The following PDE4D variants were observed in gnomAD, a reference collection of about 807,000 sequenced individuals.
PDE4D encodes 3',5'-cyclic-AMP phosphodiesterase 4D.
A neutral mutation model predicts 87.4 loss-of-function variants in PDE4D; 24 were observed. That is an observed-to-expected ratio of 0.27 (90% CI 0.20 to 0.39). The LOEUF is 0.39. Ranked by LOEUF, PDE4D falls within the 10% of genes least tolerant of loss-of-function variation. The pLI is 1.00. For synonymous variants in PDE4D, 384 were observed against 383.2 expected (o/e 1.00, Z -0.02); for missense variants, 714 against 1,041.0 (o/e 0.69, Z 4.32).
chr5:58,989,813 A>G lies in PDE4D; in HGVS notation c.1394T>C (p.Ile465Thr), dbSNP rs1207918895. The change falls in exon 10 of 15, where the codon ATC becomes ACC. Residue 465 changes from isoleucine to threonine, a missense_variant. By Grantham distance (89) the Ile-to-Thr change is moderately conservative. Transcript: ENST00000340635. ...YHADVAYHNN[I>T]HAADVVQSTH... ...AGACTGGACAACATCTGCAGCATGG[A>G]TATTGTTGTGATAGGCCACATCAGC... is the stretch of plus-strand genomic sequence containing the variant. The G allele has an allele frequency of 6.2e-7, 1 of 1,611,536 alleles. No homozygotes were observed. The highest frequency in any genetic ancestry group is 1.7e-5 in the Admixed American group (1 of 59,952).
chr5:60,375,712 C>T (rs1163197874), intron 1 of PDE4D, among the ~76,000 whole-genome samples: 1 of 152,166 alleles, frequency 6.6e-6, no homozygotes, highest in Non-Finnish European at 1.5e-5. Context: ...GCACAGGCTA[C>T]ACAAAATACA....
intron 1 of PDE4D, among the ~76,000 whole-genome samples, chr5:59,303,730 T>C (rs372065976): frequency 1.1e-4 from 17 of 152,330 alleles, no homozygotes; most frequent in South Asian, 8.3e-4. Context: ...GGGTTCTCTA[T>C]TCTGTTCCAT....
At chr5:59,564,762 C>A (rs1820600375) in intron 1 of PDE4D, among the ~76,000 whole-genome samples, 1 of 152,088 alleles carries the variant, frequency 6.6e-6, no homozygotes, top group Non-Finnish European at 1.5e-5. Flanking sequence ...AGGAAACTCC[C>A]ATTTGTGTGA....
At chr5:59,777,469 G>T (rs1334783855) in intron 1 of PDE4D, among the ~76,000 whole-genome samples, 1 of 152,186 alleles carries the variant, frequency 6.6e-6, no homozygotes, top group Non-Finnish European at 1.5e-5. Context: ...CTGAAGGCCA[G>T]ACAGGTGCTC....
chr5:59,471,393 CA>C (rs1249800678), intron 1 of PDE4D, among the ~76,000 whole-genome samples: 2 of 152,258 alleles, frequency 1.3e-5, no homozygotes, highest in African/African-American at 4.8e-5. Flanking sequence ...AAGATTAAAT[CA>C]AAAAAGCTAA....
chr5:60,358,265 A>G (rs1335804928), intron 1 of PDE4D, among the ~76,000 whole-genome samples: 1 of 152,158 alleles, frequency 6.6e-6, no homozygotes, highest in African/African-American at 2.4e-5. Flanking sequence ...TTATATAGAG[A>G]TAGATGCTCA....
chr5:59,647,066 A>G (rs1181071702), intron 1 of PDE4D, among the ~76,000 whole-genome samples: 1 of 152,148 alleles, frequency 6.6e-6, no homozygotes, highest in Non-Finnish European at 1.5e-5. Context: ...TGTAGACAAC[A>G]TATTTAACAA....
intron 1 of PDE4D, among the ~76,000 whole-genome samples, chr5:60,390,979 A>G (rs1011723283): frequency 3.3e-5 from 5 of 152,210 alleles, no homozygotes; most frequent in African/African-American, 7.2e-5. Flanking sequence ...ATGCACACAT[A>G]TACACATGCA....
intron 1 of PDE4D, among the ~76,000 whole-genome samples, chr5:59,836,656 A>ATATATCTATCTATCTT (rs1554095544): frequency 1.1e-4 from 17 of 149,160 alleles, no homozygotes; most frequent in African/African-American, 4.0e-4. Flanking sequence ...CTATCTATCT[A>ATATATCTATCTATCTT]TCATCTATCT....
intron 1 of PDE4D, among the ~76,000 whole-genome samples, chr5:59,463,927 G>A (rs1406817522): frequency 2.0e-5 from 3 of 152,226 alleles, no homozygotes; most frequent in African/African-American, 4.8e-5. Context: ...CCCCAACCCC[G>A]TGCTCTCTGA....
At chr5:59,182,448 A>C (rs762218176) in intron 4 of PDE4D, among the ~76,000 whole-genome samples, 1 of 150,860 alleles carries the variant, frequency 6.6e-6, no homozygotes, top group Non-Finnish European at 1.5e-5. Context: ...TTTTTTTTAG[A>C]GATGGGGTCT....
At chr5:60,321,265 T>C (rs895416204) in intron 1 of PDE4D, among the ~76,000 whole-genome samples, 1 of 152,196 alleles carries the variant, frequency 6.6e-6, no homozygotes, top group African/African-American at 2.4e-5. Context: ...TCATCTGATC[T>C]TTGACAAAGT....
At chr5:59,726,177 CAAATGAGTTTCAGGCATATTTAA>C (rs1756566700) in intron 1 of PDE4D, among the ~76,000 whole-genome samples, 1 of 152,050 alleles carries the variant, frequency 6.6e-6, no homozygotes, top group African/African-American at 2.4e-5. Context: ...ATAATTTTAA[CAAATGAGTTTCAGGCATATTTAA>C]AAATGAGTTT....
intron 2 of PDE4D, among the ~76,000 whole-genome samples, chr5:60,012,367 A>G (rs1385120349): frequency 2.0e-5 from 3 of 152,222 alleles, no homozygotes; most frequent in African/African-American, 4.8e-5. Flanking sequence ...ATGACTTTAA[A>G]TGATTTCATT....
intron 5 of PDE4D, among the ~76,000 whole-genome samples, chr5:59,155,909 C>T (rs559831298): frequency 6.6e-6 from 1 of 152,158 alleles, no homozygotes; most frequent in African/African-American, 2.4e-5. Flanking sequence ...TTGACACAGA[C>T]TTTCTTCAAA....
chr5:59,174,596 T>C (rs576780153), intron 5 of PDE4D: 1 of 152,632 alleles, frequency 6.6e-6, no homozygotes, highest in South Asian at 2.1e-4. Context: ...TACAGAGATA[T>C]GTCCAGTGAG....
chr5:60,041,406 AG>A (rs1334423592), intron 2 of PDE4D, among the ~76,000 whole-genome samples: 4 of 152,212 alleles, frequency 2.6e-5, no homozygotes, highest in African/African-American at 9.6e-5. Flanking sequence ...TAAGGCAACT[AG>A]GAACTCTTTT....
At chr5:59,470,019 A>T (rs1562244937) in intron 1 of PDE4D, among the ~76,000 whole-genome samples, 1 of 152,142 alleles carries the variant, frequency 6.6e-6, no homozygotes, top group Non-Finnish European at 1.5e-5. Context: ...CCAAGATAGC[A>T]TCTCTGGAGG....
intron 1 of PDE4D, among the ~76,000 whole-genome samples, chr5:59,433,614 T>C (rs899971211): frequency 6.6e-6 from 1 of 152,086 alleles, no homozygotes; most frequent in African/African-American, 2.4e-5. Flanking sequence ...ATACCAGGCC[T>C]ACCTCCAAAT....
Sources: gnomAD v4.1 joint callset for allele counts (sites outside exome capture counted in the v4.1 genomes callset) on GRCh38, gnomAD v4.1.1 for gene constraint, MANE v1.5 for transcripts, NCBI Gene and HGNC (gene_info 2026-07-23, HGNC 2026-07-21) for gene names.